The following MAGI3 variants were observed in gnomAD, a reference collection of about 807,000 sequenced individuals.
MAGI3 encodes membrane associated guanylate kinase, WW and PDZ domain containing 3, also known as membrane-associated guanylate kinase, WW and PDZ domain-containing protein 3.
MAGI3 carries 43 observed loss-of-function variants against 121.8 expected under a neutral mutation model. That is an observed-to-expected ratio of 0.35 (90% CI 0.28 to 0.46). MAGI3 has a LOEUF of 0.46. MAGI3 is among the 20% of genes least tolerant of loss of function. The pLI, the probability that MAGI3 is intolerant of heterozygous loss-of-function variation, is 1.00. For missense variants in MAGI3, 1,547 were observed against 1,797.3 expected (o/e 0.86, Z 2.52); for synonymous variants, 553 against 639.3 (o/e 0.86, Z 2.04).
chr1:113,466,581 A>C (rs771798319), intron 1 of MAGI3, among the ~76,000 whole-genome samples: 1 of 152,112 alleles, frequency 6.6e-6, no homozygotes, highest in Non-Finnish European at 1.5e-5. Context: ...GGTTGGTAGA[A>C]TCATCAATAG....
intron 6 of MAGI3, among the ~76,000 whole-genome samples, chr1:113,607,705 A>C (rs1381661849): frequency 6.6e-6 from 1 of 152,182 alleles, no homozygotes; most frequent in East Asian, 1.9e-4. Flanking sequence ...TTTTACTAAA[A>C]AGGCTACATG....
At chr1:113,470,161 G>GA (rs1278843166) in intron 1 of MAGI3, among the ~76,000 whole-genome samples, 1 of 151,994 alleles carries the variant, frequency 6.6e-6, no homozygotes, top group South Asian at 2.1e-4. Context: ...GTTGCATGCA[G>GA]AAAATAGTCT....
intron 1 of MAGI3, among the ~76,000 whole-genome samples, chr1:113,508,984 ATGG>A (rs1271554420): frequency 1.3e-5 from 2 of 152,180 alleles, no homozygotes. Context: ...AAGTGAGTAA[ATGG>A]TGGTATTATT....
Position 113,543,866 on chromosome 1 carries a change from T to TA in MAGI3, c.317-5630dup, listed in dbSNP as rs5777160. Among the ~76,000 whole-genome samples, 379 of 136,886 alleles carry TA rather than the reference T, an allele frequency of 2.8e-3. 2 individuals carry two copies. Among genetic ancestry groups the TA allele is most frequent in the African/African-American group, 7.6e-3 (269 of 35,410 alleles). 89.8% of individuals were successfully genotyped at this position (136,886 alleles called of 152,430 possible). ...CTGGTTGACAGAGTGAGACCCCATC[T>TA]AAAAAAAAAAAAAAAAAAATTTAAA... On this transcript the variant is annotated intron_variant, in intron 1 of 20. Transcript: ENST00000307546.
At position 113,408,200 on chromosome 1, in the gene MAGI3, T is replaced by C. The variant is rs546787890; in HGVS notation, c.316+16851T>C. Among the ~76,000 whole-genome samples the C allele has an allele frequency of 2.0e-3, 304 of 152,308 alleles. 1 individual carries two copies. Among genetic ancestry groups the C allele is most frequent in the Non-Finnish European group, 3.9e-3 (262 of 68,018 alleles). ...GTGTCAATTTTCTGAAATTTCTCTT[T>C]TTTTGCTGTATGTTTGTTTAAAAAT... is the stretch of plus-strand genomic sequence containing the variant. On this transcript the variant is annotated intron_variant, in intron 1 of 20. Coordinates refer to ENST00000307546, the MANE Select transcript of MAGI3 (RefSeq NM_001142782.2).
intron 1 of MAGI3, among the ~76,000 whole-genome samples, chr1:113,467,534 A>C (rs1042244824): frequency 6.6e-6 from 1 of 151,980 alleles, no homozygotes; most frequent in Non-Finnish European, 1.5e-5. Flanking sequence ...AAAGTTCCCT[A>C]CTATTTTTTC....
chr1:113,423,577 G>A (rs1367082940), intron 1 of MAGI3, among the ~76,000 whole-genome samples: 1 of 152,076 alleles, frequency 6.6e-6, no homozygotes, highest in Non-Finnish European at 1.5e-5. Flanking sequence ...TGCTGAGTCT[G>A]GGGGTTTTTA....
chr1:113,601,053 T>C (rs1350027248), intron 6 of MAGI3, among the ~76,000 whole-genome samples: 1 of 152,048 alleles, frequency 6.6e-6, no homozygotes, highest in Non-Finnish European at 1.5e-5. Context: ...TCCTTACACC[T>C]TATACAAAAA....
chr1:113,601,378 A>G (rs1649368939), intron 6 of MAGI3, among the ~76,000 whole-genome samples: 1 of 140,052 alleles, frequency 7.1e-6, no homozygotes, highest in African/African-American at 2.5e-5. Flanking sequence ...TTTACAAGAA[A>G]AAAACAAACA....
At chr1:113,595,304 A>G (rs1648932027) in intron 6 of MAGI3, among the ~76,000 whole-genome samples, 2 of 152,170 alleles carry the variant, frequency 1.3e-5, no homozygotes, top group South Asian at 4.1e-4. Flanking sequence ...CCCTGTCTCT[A>G]AAAACTAATA....
intron 1 of MAGI3, among the ~76,000 whole-genome samples, chr1:113,446,700 A>C (rs925663828): frequency 1.3e-5 from 2 of 152,232 alleles, no homozygotes; most frequent in Non-Finnish European, 2.9e-5. Flanking sequence ...TACTCCATGC[A>C]ATAGTAACCA....
At chr1:113,549,880 A>G (rs1456032307) in intron 2 of MAGI3, among the ~76,000 whole-genome samples, 2 of 152,064 alleles carry the variant, frequency 1.3e-5, no homozygotes, top group Non-Finnish European at 2.9e-5. Flanking sequence ...GCACTTTGGG[A>G]GGCCGAGGTG....
At chr1:113,660,900 G>C (rs1653755743) in intron 16 of MAGI3, among the ~76,000 whole-genome samples, 1 of 150,926 alleles carries the variant, frequency 6.6e-6, no homozygotes, top group Non-Finnish European at 1.5e-5. Flanking sequence ...CACCATGCCT[G>C]GCCAGCAAAT....
chr1:113,534,856 G>T (rs1473195512), intron 1 of MAGI3, among the ~76,000 whole-genome samples: 2 of 151,672 alleles, frequency 1.3e-5, no homozygotes, highest in Non-Finnish European at 2.9e-5. Flanking sequence ...CTGTTTAATT[G>T]TTTTTCTCCT....
At chr1:113,505,665 A>C (rs1191580879) in intron 1 of MAGI3, among the ~76,000 whole-genome samples, 3 of 152,116 alleles carry the variant, frequency 2.0e-5, no homozygotes, top group Non-Finnish European at 2.9e-5. Flanking sequence ...ATTTTGGATA[A>C]GGTAGTGAGG....
intron 1 of MAGI3, among the ~76,000 whole-genome samples, chr1:113,524,100 G>C (rs747011056): frequency 1.3e-5 from 2 of 152,190 alleles, no homozygotes; most frequent in African/African-American, 4.8e-5. Flanking sequence ...GAGCCTGCAG[G>C]TGCATAGAAG....
chr1:113,407,626 G>T (rs192786506), intron 1 of MAGI3, among the ~76,000 whole-genome samples: 1 of 151,658 alleles, frequency 6.6e-6, no homozygotes, highest in Admixed American at 6.6e-5. Context: ...CACAAGAAAG[G>T]CTTTTAAGTG....
chr1:113,464,873 C>A (rs191323898), intron 1 of MAGI3, among the ~76,000 whole-genome samples: 1 of 151,318 alleles, frequency 6.6e-6, no homozygotes, highest in African/African-American at 2.4e-5. Flanking sequence ...GTGTTGTTTG[C>A]GCTCCATAAA....
chr1:113,432,812 G>A (rs1442214502), intron 1 of MAGI3, among the ~76,000 whole-genome samples: 1 of 152,048 alleles, frequency 6.6e-6, no homozygotes, highest in African/African-American at 2.4e-5. Context: ...CCATAAATAT[G>A]TAGAATTTCT....
Sources: gnomAD v4.1 joint callset for allele counts (sites outside exome capture counted in the v4.1 genomes callset) on GRCh38, gnomAD v4.1.1 for gene constraint, MANE v1.5 for transcripts, NCBI Gene and HGNC (gene_info 2026-07-23, HGNC 2026-07-21) for gene names.